Variants in TBC1D31 observed in about 807,000 individuals in gnomAD.
The protein encoded by TBC1D31 is WD repeat domain 67.
In TBC1D31, 99 loss-of-function variants were observed where a neutral mutation model predicts 132.9. The observed-to-expected ratio is 0.74, with a 90% CI of 0.63 to 0.88. The LOEUF is 0.88. Ranked by LOEUF, TBC1D31 falls within the 40% of genes least tolerant of loss-of-function variation. The pLI, the probability that TBC1D31 is intolerant of heterozygous loss-of-function variation, is 0.00. For synonymous variants in TBC1D31, 385 were observed against 419.4 expected (o/e 0.92, Z 1.00); for missense variants, 1,134 against 1,256.6 (o/e 0.90, Z 1.48).
At chr8:123,086,711 C>A (rs2129969062) in intron 4 of TBC1D31, among the ~76,000 whole-genome samples, 1 of 151,902 alleles carries the variant, frequency 6.6e-6, no homozygotes, top group African/African-American at 2.4e-5. Context: ...CCTTCTTCCT[C>A]CCTGTTCTTT....
At chr8:123,100,335 G>T (rs534218005) in intron 6 of TBC1D31, among the ~76,000 whole-genome samples, 1 of 152,120 alleles carries the variant, frequency 6.6e-6, no homozygotes, top group Admixed American at 6.5e-5. Context: ...CAGCACTTTC[G>T]GAGGCCGAGG....
chr8:123,094,982 T>C (rs1816713070), intron 5 of TBC1D31, among the ~76,000 whole-genome samples: 2 of 152,230 alleles, frequency 1.3e-5, no homozygotes, highest in African/African-American at 4.8e-5. Context: ...GGCTCACAGA[T>C]TGTATTTTGT....
intron 1 of TBC1D31, among the ~76,000 whole-genome samples, chr8:123,073,843 G>C (rs905626604): frequency 6.6e-6 from 1 of 150,442 alleles, no homozygotes; most frequent in Non-Finnish European, 1.5e-5. Context: ...GCGCCACTAC[G>C]CCCGGCTAAT....
In TBC1D31 at chr8:123,128,289, TCACCATCG is replaced by T; in HGVS notation, c.1894_1901del (p.His632GlufsTer2). The T allele has an allele frequency of 6.3e-7, 1 of 1,586,602 alleles. No individual in the cohort carries two copies. The highest frequency in any genetic ancestry group is 1.1e-5 in the South Asian group (1 of 87,518). On this transcript the variant is annotated frameshift_variant, in exon 14 of 22. Transcript: ENST00000287380. LOFTEE classifies it high-confidence loss of function. Reference sequence around the variant, plus strand: ...ACCAAGTTTTCTTACAGTTTTTTTTTCACCATCGGAATAACCTGGATATAAATGTTGTG... The same window carrying T: ...ACCAAGTTTTCTTACAGTTTTTTTTTGAATAACCTGGATATAAATGTTGTG...
chr8:123,140,670 T>C, intron 17 of TBC1D31, 91 bp from the exon 18 acceptor site: 1 of 1,028,424 alleles, frequency 9.7e-7, no homozygotes, highest in Non-Finnish European at 1.4e-6. Flanking sequence ...ACAGCTTTTA[T>C]TTGTGTGCAT....
intron 10 of TBC1D31, 59 bp from the exon 11 acceptor site, chr8:123,119,996 A>G: frequency 3.6e-6 from 5 of 1,388,402 alleles, no homozygotes; most frequent in South Asian, 1.5e-5. Context: ...TCAAATTTTT[A>G]TCATGTGAAG....
chr8:123,142,920 G>A (rs901354550), intron 19 of TBC1D31, among the ~76,000 whole-genome samples: 6 of 152,130 alleles, frequency 3.9e-5, no homozygotes, highest in South Asian at 2.1e-4. Flanking sequence ...GAAATGGTAC[G>A]TAGCTGCTAG....
At chr8:123,138,152 C>CTAAA (rs1821277489) in intron 17 of TBC1D31, among the ~76,000 whole-genome samples, 1 of 152,088 alleles carries the variant, frequency 6.6e-6, no homozygotes, top group East Asian at 1.9e-4. Flanking sequence ...TATGGAGTAG[C>CTAAA]TAAAATTCTA....
In TBC1D31 at chr8:123,151,823, G is replaced by A. The variant is rs1235609648; in HGVS notation, c.3085G>A (p.Ala1029Thr). 2.6e-6 allele frequency: 4 copies of A among 1,562,070 alleles called. No homozygotes were observed. Among genetic ancestry groups the A allele is most frequent in the Non-Finnish European group, 3.4e-6 (4 of 1,165,302 alleles). Reference protein sequence around the residue: ...PSTQISLNRRAVEWDTTGQNL... With the variant: ...PSTQISLNRRTVEWDTTGQNL... ...TTTTCAAGTTTCTTTAAATAGAAGAGCAGTAGAATGGGACACCACGGGACA... is the reference window on the plus strand; with the variant it reads ...TTTTCAAGTTTCTTTAAATAGAAGAACAGTAGAATGGGACACCACGGGACA... The change falls in exon 22 of 22, where the codon GCA becomes ACA. Residue 1029 changes from alanine (A) to threonine (T), a missense_variant. Coordinates refer to ENST00000287380, the MANE Select transcript of TBC1D31 (RefSeq NM_145647.4).
chr8:123,091,097 A>G (rs1816279221), intron 4 of TBC1D31, among the ~76,000 whole-genome samples: 1 of 152,100 alleles, frequency 6.6e-6, no homozygotes, highest in Non-Finnish European at 1.5e-5. Flanking sequence ...TAACCCCCCA[A>G]AAAGTATACT....
At position 123,128,352 on chromosome 8, in the gene TBC1D31, C is replaced by A. The variant is rs748238254; in HGVS notation, c.1956C>A (p.Thr652=). Residue 652 remains threonine (T), a synonymous_variant, in exon 14 of 22, where the codon ACC becomes ACA. Coordinates refer to ENST00000287380, the MANE Select transcript of TBC1D31 (RefSeq NM_145647.4). ...GACAAGTTTATCATCTCATGGAGAC[C>A]ACGCCTACTGACATTCATCCAGACA... ...VIRQVYHLME[T]TPTDIHPDSM... 3.0e-5 allele frequency: 48 copies of A among 1,613,170 alleles called. 1 individual carries two copies. In the South Asian group the frequency reaches 4.9e-4, roughly 17 times the overall value.
chr8:123,135,721 C>G (rs1326269015), intron 17 of TBC1D31, among the ~76,000 whole-genome samples: 1 of 152,200 alleles, frequency 6.6e-6, no homozygotes, highest in African/African-American at 2.4e-5. Flanking sequence ...ACCTATAACA[C>G]TTTTAAAGTC....
chr8:123,128,666 G>T (rs1820328419), intron 14 of TBC1D31, among the ~76,000 whole-genome samples, 153 bp downstream of exon 14: 1 of 152,170 alleles, frequency 6.6e-6, no homozygotes, highest in South Asian at 2.1e-4. Context: ...CACAAGGTCA[G>T]GAGTTCGAGA....
the TBC1D31 span, among the ~76,000 whole-genome samples, chr8:123,160,696 G>A: frequency 1.3e-5 from 2 of 152,310 alleles, no homozygotes; most frequent in South Asian, 4.1e-4. Flanking sequence ...CCACTAGCCG[G>A]TACAGGGTAC....
chr8:123,100,952 A>C lies in TBC1D31; in HGVS notation c.977A>C (p.Glu326Ala), dbSNP rs752860104. The change falls in exon 7 of 22, where the codon GAA becomes GCA. Residue 326 changes from glutamate to alanine, a missense_variant. Physicochemically the swap from Glu to Ala is moderately radical, Grantham distance 107. Coordinates refer to ENST00000287380, the MANE Select transcript of TBC1D31 (RefSeq NM_145647.4). ...GGACGGTACATTGCATCTATTATGGAAAATGGAAGTCTAAACATATATTCA... is the reference window on the plus strand; with the variant it reads ...GGACGGTACATTGCATCTATTATGGCAAATGGAAGTCTAAACATATATTCA... Reference protein sequence around the residue: ...PHGRYIASIMENGSLNIYSVQ... With the variant: ...PHGRYIASIMANGSLNIYSVQ... 5.0e-6 allele frequency: 8 copies of C among 1,614,004 alleles called. No homozygotes were observed. Among genetic ancestry groups the C allele is most frequent in the Non-Finnish European group, 6.8e-6 (8 of 1,179,924 alleles).
chr8:123,109,877 T>A (rs980940570), intron 10 of TBC1D31, among the ~76,000 whole-genome samples: 3 of 152,170 alleles, frequency 2.0e-5, no homozygotes, highest in Non-Finnish European at 2.9e-5. Flanking sequence ...GCAGATCAGC[T>A]GAGGTCAGGA....
rs138517508 is a variant in TBC1D31, at chr8:123,091,028, T to C, written c.520-2563T>C. Among the ~76,000 whole-genome samples the C allele has an allele frequency of 2.6e-5, 4 of 152,138 alleles. No individual in the cohort carries two copies. The East Asian group carries it at 7.7e-4, about 29-fold the overall frequency. The stretch of plus-strand genomic sequence containing the variant: ...AGTTCATCTACCTCCTAAAACTGAA[T>C]TGGAAAGCTTAGGATTTTTGTGTTC... On this transcript the variant is annotated intron_variant, in intron 4 of 21. Transcript: ENST00000287380.
chr8:123,129,378 T>C (rs1231952730), intron 15 of TBC1D31, among the ~76,000 whole-genome samples, 160 bp downstream of exon 15: 2 of 152,252 alleles, frequency 1.3e-5, no homozygotes, highest in African/African-American at 2.4e-5. Flanking sequence ...AGAATCTTTA[T>C]ATACCACTTT....
chr8:123,133,991 A>G (rs992208337), intron 16 of TBC1D31, 123 bp from the exon 17 acceptor site: 1 of 618,306 alleles, frequency 1.6e-6, no homozygotes, highest in Non-Finnish European at 2.7e-6. Context: ...TCTGGTTTCA[A>G]AAACCCAGTT....
Sources: gnomAD v4.1 joint callset for allele counts (sites outside exome capture counted in the v4.1 genomes callset) on GRCh38, gnomAD v4.1.1 for gene constraint, MANE v1.5 for transcripts, NCBI Gene and HGNC (gene_info 2026-07-23, HGNC 2026-07-21) for gene names.